Variants in SELENOO observed in about 807,000 individuals in gnomAD.
SELENOO encodes selenoprotein O.
A neutral mutation model predicts 58.7 loss-of-function variants in SELENOO; 74 were observed. The ratio of observed to expected loss-of-function variants is 1.26; its 90% CI spans 1.04 to 1.53. The LOEUF (loss-of-function observed/expected upper bound fraction) is 1.53. SELENOO is among the 40% of genes most tolerant of loss of function. The pLI is 0.00. For synonymous variants in SELENOO, 543 were observed against 453.2 expected (o/e 1.20, Z -2.52); for missense variants, 1,149 against 970.0 (o/e 1.18, Z -2.45).
In SELENOO at chr22:50,217,615, G is replaced by C; in HGVS notation, c.*246G>C. ...TCCTAAATAAACCAGCAACTCCCTC[G>C]AGTCTGTCTCTGTGGTCATTGTTCC... is the stretch of plus-strand genomic sequence containing the variant. On this transcript the variant is annotated 3_prime_UTR_variant, in exon 9 of 9. Coordinates refer to ENST00000380903, the MANE Select transcript of SELENOO (RefSeq NM_031454.2). 1.9e-6 allele frequency: 2 copies of C among 1,071,406 alleles called. No individual in the cohort carries two copies. Among genetic ancestry groups the C allele is most frequent in the South Asian group, 1.6e-5 (1 of 61,908 alleles). The allele number at this position is 1,071,406 out of a possible 1,614,324, so 66.4% of individuals were successfully genotyped here.
rs959628113 is a variant in SELENOO at position 50,213,572 on chromosome 22, C to T, written c.1352-2145C>T. 2.6e-5 allele frequency among the ~76,000 whole-genome samples: 4 copies of T among 152,024 alleles called. No individual in the cohort carries two copies. The South Asian group carries it at 8.3e-4, about 32-fold the overall frequency. ...CTCTCTTCTGCTGGGTGGAGGGTTC[C>T]GTGTATGTGCCTGTTTGGTCTTGTT... On this transcript the variant is annotated intron_variant, in intron 5 of 8. Transcript: ENST00000380903.
intron 5 of SELENOO, among the ~76,000 whole-genome samples, chr22:50,211,854 C>T (rs913502343): frequency 2.0e-5 from 3 of 152,210 alleles, no homozygotes; most frequent in Non-Finnish European, 4.4e-5. Flanking sequence ...CAGGCACCCG[C>T]CACCACACCC....
intron 5 of SELENOO, among the ~76,000 whole-genome samples, chr22:50,212,512 A>G (rs2064377479): frequency 6.6e-6 from 1 of 152,220 alleles, no homozygotes; most frequent in Non-Finnish European, 1.5e-5. Flanking sequence ...AGGGCACCGC[A>G]CATCACAGCT....
intron 6 of SELENOO, 90 bp downstream of exon 6, chr22:50,215,957 G>A (rs1444276267): frequency 1.6e-5 from 19 of 1,216,388 alleles, no homozygotes; most frequent in Non-Finnish European, 2.2e-5. Context: ...TAGAGACAGA[G>A]CTGGCTGGGG....
chr22:50,217,408 G>T lies in SELENOO; in HGVS notation c.*39G>T. ...CTCCACACCCCTGGAGTCTCCCGAG[G>T]CCCCCATGTGCTGCTGAGTGGCCAA... On this transcript the variant is annotated 3_prime_UTR_variant, in exon 9 of 9. Transcript: ENST00000380903. 35 of 1,601,642 alleles carry T rather than the reference G, an allele frequency of 2.2e-5. No individual in the cohort carries two copies. Among genetic ancestry groups the T allele is most frequent in the Non-Finnish European group, 2.9e-5 (34 of 1,176,138 alleles).
chr22:50,210,454 T>C (rs1030096841), intron 4 of SELENOO, 143 bp downstream of exon 4: 3 of 1,347,042 alleles, frequency 2.2e-6, no homozygotes, highest in Non-Finnish European at 3.0e-6. Flanking sequence ...AAGTAGAGAG[T>C]CCAGGGCAAT....
At chr22:50,202,386 A>T (rs547034266) in intron 1 of SELENOO, among the ~76,000 whole-genome samples, 1 of 149,820 alleles carries the variant, frequency 6.7e-6, no homozygotes, top group East Asian at 2.0e-4. Flanking sequence ...GGTCTTCCTC[A>T]CTCCCCCGTC....
At chr22:50,216,363 C>T (rs989695480) in intron 6 of SELENOO, among the ~76,000 whole-genome samples, 1 of 152,256 alleles carries the variant, frequency 6.6e-6, no homozygotes, top group East Asian at 1.9e-4. Flanking sequence ...CCACCTGGAC[C>T]CTTCTGGAAA....
intron 5 of SELENOO, among the ~76,000 whole-genome samples, chr22:50,214,847 C>T (rs185256748): frequency 6.6e-6 from 1 of 152,240 alleles, no homozygotes; most frequent in African/African-American, 2.4e-5. Flanking sequence ...TTTCTTCATC[C>T]TTTCACTTCC....
Position 50,201,035 on chromosome 22 carries a change from G to T in SELENOO, c.-2G>T, listed in dbSNP as rs1045644691. On this transcript the variant is annotated 5_prime_UTR_variant, in exon 1 of 9. Transcript: ENST00000380903. ...TGGCTTCCGGCGGGAGCGGGGCCGC[G>T]GATGGCCGTATACAGGGCAGCGCTC... The T allele has an allele frequency of 7.9e-7, 1 of 1,268,988 alleles. No individual in the cohort carries two copies. The highest frequency in any genetic ancestry group is 9.9e-7 in the Non-Finnish European group (1 of 1,006,702). The allele number at this position is 1,268,988 out of a possible 1,614,324, so 78.6% of individuals were successfully genotyped here.
chr22:50,206,874 G>A (rs2064336493), intron 2 of SELENOO, among the ~76,000 whole-genome samples: 1 of 146,332 alleles, frequency 6.8e-6, no homozygotes, highest in African/African-American at 2.6e-5. Flanking sequence ...CCAGAGAAGG[G>A]TCCCTGCCTG....
Position 50,206,397 on chromosome 22 carries a change from C to T in SELENOO, c.635C>T (p.Pro212Leu), listed in dbSNP as rs757090412. 6.2e-7 allele frequency: 1 copy of T among 1,614,156 alleles called. No individual in the cohort carries two copies. Among genetic ancestry groups the T allele is most frequent in the Admixed American group, 1.7e-5 (1 of 60,026 alleles). The stretch of plus-strand genomic sequence containing the variant: ...GAAGCCATGTTCCACCTGGGAGTCC[C>T]CACCACACGGGCCGGCGCCTGCGTC... ...CSEAMFHLGV[P>L]TTRAGACVTS... The change falls in exon 2 of 9, where the codon CCC becomes CTC. Residue 212 changes from proline (P) to leucine (L), a missense_variant. Physicochemically the swap from Pro to Leu is moderately conservative, Grantham distance 98. Transcript: ENST00000380903.
At chr22:50,216,612 C>A (rs2064414093) in intron 6 of SELENOO, 79 bp from the exon 7 acceptor site, 2 of 1,346,338 alleles carry the variant, frequency 1.5e-6, no homozygotes, top group South Asian at 2.7e-5. Flanking sequence ...TGAGAGCGGG[C>A]TGGGGCAGGC....
rs528721709 is a variant in SELENOO at position 50,210,841 on chromosome 22, C to T, written c.1281C>T (p.Gly427=). ...HYLQKMRRKL[G]LVQVELEEDG... is the part of the protein sequence containing the mutation. ...TGCAGAAGATGCGCAGGAAGCTGGGCCTCGTGCAGGTGGAGCTGGAGGAAG... is the reference window on the plus strand; with the variant it reads ...TGCAGAAGATGCGCAGGAAGCTGGGTCTCGTGCAGGTGGAGCTGGAGGAAG... Residue 427 remains glycine (G), a synonymous_variant, in exon 5 of 9, where the codon GGC becomes GGT. Coordinates refer to ENST00000380903, the MANE Select transcript of SELENOO (RefSeq NM_031454.2). 575 of 1,614,114 alleles carry T rather than the reference C, an allele frequency of 3.6e-4. 6 individuals are homozygous for T. The South Asian group carries it at 6.0e-3, about 17-fold the overall frequency.
rs369106340 is a variant in SELENOO at position 50,206,449 on chromosome 22, C to T, written c.687C>T (p.Asp229=). 12 of 1,614,058 alleles carry T rather than the reference C, an allele frequency of 7.4e-6. No individual in the cohort carries two copies. Among genetic ancestry groups the T allele is most frequent in the African/African-American group, 2.7e-5 (2 of 74,932 alleles). Reference sequence around the variant, plus strand: ...CGTCCGAGTCCACGGTGGTGCGCGACGTGTTCTATGATGGTAATCCCAAAT... The same window carrying T: ...CGTCCGAGTCCACGGTGGTGCGCGATGTGTTCTATGATGGTAATCCCAAAT... ...CVTSESTVVR[D]VFYDGNPKYE... The change falls in exon 2 of 9, where the codon GAC becomes GAT. Residue 229 remains aspartate, a synonymous_variant. Transcript: ENST00000380903.
intron 1 of SELENOO, among the ~76,000 whole-genome samples, chr22:50,204,830 C>G (rs535967688): frequency 3.3e-5 from 5 of 152,234 alleles, no homozygotes; most frequent in African/African-American, 1.2e-4. Context: ...TACCGATATT[C>G]ATGGCCAAAA....
At chr22:50,216,081 G>A (rs1029153958) in intron 6 of SELENOO, among the ~76,000 whole-genome samples, 1 of 152,190 alleles carries the variant, frequency 6.6e-6, no homozygotes, top group African/African-American at 2.4e-5. Flanking sequence ...ACACAGGTGT[G>A]GGGGCAGACA....
chr22:50,206,516 A>T lies in SELENOO; in HGVS notation c.754A>T (p.Ile252Leu), dbSNP rs536146930. ...TVVLRVASTFIRFGSFEIFKS... is the reference protein window; with the variant it reads ...TVVLRVASTFLRFGSFEIFKS... ...TGTGTTGCGTGTAGCTTCCACTTTC[A>T]TAAGGTAATGCCGGGGGCCTTTCGG... The change falls in exon 2 of 9, where the codon ATA becomes TTA. Residue 252 changes from isoleucine (I) to leucine (L), a missense_variant. Physicochemically the swap from Ile to Leu is conservative, Grantham distance 5. Coordinates refer to ENST00000380903, the MANE Select transcript of SELENOO (RefSeq NM_031454.2). 2.8e-5 allele frequency: 45 copies of T among 1,613,146 alleles called. No individual in the cohort carries two copies. In the East Asian group the frequency reaches 9.4e-4, roughly 34 times the overall value.
chr22:50,202,461 C>G (rs1180033160), intron 1 of SELENOO, among the ~76,000 whole-genome samples: 3 of 152,172 alleles, frequency 2.0e-5, no homozygotes, highest in Non-Finnish European at 4.4e-5. Flanking sequence ...CCACCCCCAG[C>G]GACCTGCTTA....
Sources: gnomAD v4.1 joint callset for allele counts (sites outside exome capture counted in the v4.1 genomes callset) on GRCh38, gnomAD v4.1.1 for gene constraint, MANE v1.5 for transcripts, NCBI Gene and HGNC (gene_info 2026-07-23, HGNC 2026-07-21) for gene names.